CLIC5: variants seen among roughly 807,000 people sequenced by gnomAD.
CLIC5 encodes chloride intracellular channel protein 5.
Under a neutral mutation model 24.7 loss-of-function variants are expected in CLIC5, and 20 were observed. That is an observed-to-expected ratio of 0.81 (90% confidence interval 0.57 to 1.18). The LOEUF (loss-of-function observed/expected upper bound fraction) is 1.18, where lower values mean the gene tolerates loss of function less well. CLIC5 is among the 50% of genes most tolerant of loss of function. CLIC5 has a pLI of 0.00. For synonymous variants in CLIC5, 159 were observed against 135.6 expected (o/e 1.17, Z -1.20); for missense variants, 341 against 326.1 (o/e 1.05, Z -0.35).
chr6:45,926,245 TTTA>T (rs1206902806), intron 4 of CLIC5, among the ~76,000 whole-genome samples: 3 of 93,536 alleles, frequency 3.2e-5, no homozygotes, highest in African/African-American at 8.8e-5. Context: ...ATATATATAT[TTTA>T]TTTTTTTTAT....
chr6:46,052,630 G>A (rs1283395265), intron 1 of CLIC5, among the ~76,000 whole-genome samples: 1 of 152,144 alleles, frequency 6.6e-6, no homozygotes, highest in African/African-American at 2.4e-5. Context: ...TGGGTGGGAG[G>A]TATGATATGG....
the CLIC5 span, among the ~76,000 whole-genome samples, chr6:46,091,545 C>A: frequency 6.6e-6 from 1 of 152,056 alleles, no homozygotes; most frequent in Non-Finnish European, 1.5e-5. Flanking sequence ...CCACCCTGGG[C>A]AACAGGGAAA....
At chr6:45,891,594 C>T (rs571109849) in intron 6 of CLIC5, among the ~76,000 whole-genome samples, 1 of 148,518 alleles carries the variant, frequency 6.7e-6, no homozygotes, top group South Asian at 2.1e-4. Flanking sequence ...GAGATCATGC[C>T]ACTGCACTCC....
At chr6:46,052,442 G>A (rs1262932884) in intron 1 of CLIC5, among the ~76,000 whole-genome samples, 1 of 152,208 alleles carries the variant, frequency 6.6e-6, no homozygotes, top group Non-Finnish European at 1.5e-5. Context: ...CCAATGACAA[G>A]GGTTGTTGAC....
intron 6 of CLIC5, among the ~76,000 whole-genome samples, chr6:45,891,583 C>T (rs568140387): frequency 6.8e-5 from 10 of 147,500 alleles, no homozygotes; most frequent in Admixed American, 1.4e-4. Flanking sequence ...TTCAGTGAGG[C>T]GAGATCATGC....
intron 1 of CLIC5, among the ~76,000 whole-genome samples, chr6:46,077,477 G>C (rs1011120501): frequency 6.6e-6 from 1 of 151,896 alleles, no homozygotes; most frequent in Admixed American, 6.6e-5. Flanking sequence ...ACAGAGCAGG[G>C]AAGAGGAAAA....
chr6:46,042,904 C>G (rs942778935), intron 1 of CLIC5, among the ~76,000 whole-genome samples: 9 of 152,180 alleles, frequency 5.9e-5, no homozygotes, highest in Non-Finnish European at 1.2e-4. Context: ...ATGCCTCCCT[C>G]AACAGGTAAA....
chr6:46,074,559 C>T (rs2127476448), intron 1 of CLIC5, among the ~76,000 whole-genome samples: 1 of 152,344 alleles, frequency 6.6e-6, no homozygotes, highest in South Asian at 2.1e-4. Context: ...GTTCAGTGCA[C>T]AACCTGTGCA....
At chr6:45,967,930 G>A (rs1158980604) in intron 1 of CLIC5, among the ~76,000 whole-genome samples, 1 of 152,142 alleles carries the variant, frequency 6.6e-6, no homozygotes, top group Non-Finnish European at 1.5e-5. Flanking sequence ...CCTCCCACCA[G>A]GCCCTGCCTC....
At chr6:45,988,669 T>C (rs1765824837) in intron 1 of CLIC5, among the ~76,000 whole-genome samples, 1 of 152,236 alleles carries the variant, frequency 6.6e-6, no homozygotes, top group African/African-American at 2.4e-5. Context: ...TTAAATTGCC[T>C]TCAAAGGTTA....
intron 5 of CLIC5, among the ~76,000 whole-genome samples, chr6:45,908,448 T>C (rs1396418460): frequency 2.0e-5 from 3 of 152,182 alleles, no homozygotes; most frequent in Non-Finnish European, 4.4e-5. Context: ...TTTTGCTACA[T>C]CCTAGAGATT....
the CLIC5 span, among the ~76,000 whole-genome samples, chr6:46,095,790 C>T: frequency 6.6e-6 from 1 of 152,202 alleles, no homozygotes; most frequent in Non-Finnish European, 1.5e-5. Flanking sequence ...TCTTCCAACT[C>T]AGTTCCAAAG....
chr6:46,019,026 A>T (rs1302569741), upstream of CLIC5, among the ~76,000 whole-genome samples: 1 of 152,000 alleles, frequency 6.6e-6, no homozygotes, highest in Non-Finnish European at 1.5e-5. Context: ...AAAACTAGGT[A>T]TGTGTATTGT....
chr6:46,040,025 A>G (rs1387391854), intron 1 of CLIC5, among the ~76,000 whole-genome samples: 1 of 152,196 alleles, frequency 6.6e-6, no homozygotes, highest in Admixed American at 6.5e-5. Context: ...CAGGGTCCCA[A>G]CCTCTCAGCA....
At chr6:45,979,698 A>C (rs1396094485) in intron 1 of CLIC5, among the ~76,000 whole-genome samples, 1 of 152,236 alleles carries the variant, frequency 6.6e-6, no homozygotes, top group Non-Finnish European at 1.5e-5. Flanking sequence ...CTATTTAAAA[A>C]ACGTTGATGG....
the CLIC5 span, chr6:46,123,202 A>G: frequency 1.3e-5 from 2 of 152,242 alleles, no homozygotes; most frequent in African/African-American, 4.8e-5. Context: ...TGGCAAACCG[A>G]ATCCAGCAGC....
chr6:45,926,708 C>T (rs1291711762), intron 4 of CLIC5, among the ~76,000 whole-genome samples: 1 of 152,142 alleles, frequency 6.6e-6, no homozygotes. Flanking sequence ...TGAAGTATCA[C>T]TTTTAACACC....
intron 4 of CLIC5, among the ~76,000 whole-genome samples, chr6:45,923,140 G>A (rs1040130593): frequency 6.6e-6 from 1 of 152,158 alleles, no homozygotes; most frequent in African/African-American, 2.4e-5. Flanking sequence ...AAATGCTGAC[G>A]GAAGCTATTA....
intron 1 of CLIC5, among the ~76,000 whole-genome samples, chr6:45,977,957 G>T (rs1036166532): frequency 6.6e-6 from 1 of 152,186 alleles, no homozygotes; most frequent in Non-Finnish European, 1.5e-5. Context: ...TGCTGCAGTG[G>T]TGGGGTTTTT....
Sources: allele counts gnomAD v4.1 joint callset (sites outside exome capture counted in the v4.1 genomes callset), GRCh38; gene constraint gnomAD v4.1.1; transcripts MANE v1.5; gene names NCBI Gene and HGNC (gene_info 2026-07-23, HGNC 2026-07-21).